The following ANKRD30A variants were observed in gnomAD, a reference collection of about 807,000 sequenced individuals.
ANKRD30A encodes ankyrin repeat domain 30A, also known as ankyrin repeat domain-containing protein 30A.
Under a neutral mutation model 166.3 loss-of-function variants are expected in ANKRD30A, and 170 were observed. The observed-to-expected ratio is 1.02, with a 90% CI of 0.90 to 1.16. ANKRD30A has a LOEUF of 1.16. ANKRD30A is among the 50% of genes most tolerant of loss of function. The pLI, the probability that ANKRD30A is intolerant of heterozygous loss-of-function variation, is 0.00. For missense variants in ANKRD30A, 1,630 were observed against 1,518.0 expected, an observed-to-expected ratio of 1.07 and a Z score of -1.23; for synonymous variants, 564 against 508.9, an observed-to-expected ratio of 1.11 and a Z score of -1.46.
At chr10:37,150,275 G>A (rs1245708161) in intron 11 of ANKRD30A, among the ~76,000 whole-genome samples, 5 of 151,882 alleles carry the variant, frequency 3.3e-5, no homozygotes, top group Non-Finnish European at 7.4e-5. Flanking sequence ...GTCACTTTGG[G>A]AATCCTAAGA....
At chr10:37,224,425 CAT>C (rs557635336) in intron 34 of ANKRD30A, among the ~76,000 whole-genome samples, 30 of 150,320 alleles carry the variant, frequency 2.0e-4, no homozygotes, top group African/African-American at 6.8e-4. Context: ...ATGTGAGCTA[CAT>C]ATATATATCA....
rs754180463 is a variant in ANKRD30A, at chr10:37,201,241, C to A, written c.2785C>A (p.Arg929Ser). The change falls in exon 31 of 36, where the codon CGT becomes AGT. Residue 929 changes from arginine (R) to serine (S), a missense_variant. Arg to Ser is a moderately radical substitution (Grantham distance 110). Transcript: ENST00000361713. ...EENSWDSESL[R>S]ETVSQKDVCV... is the part of the protein sequence containing the mutation. ...TTGATATTACTTTTAACAGAGTCTC[C>A]GTGAGACTGTTTCACAGAAGGATGT... 2.5e-6 allele frequency: 4 copies of A among 1,572,736 alleles called. No individual in the cohort carries two copies. Among genetic ancestry groups the A allele is most frequent in the East Asian group, 4.6e-5 (2 of 43,056 alleles).
intron 15 of ANKRD30A, among the ~76,000 whole-genome samples, chr10:37,162,396 CT>C (rs1421526322): frequency 2.6e-5 from 4 of 152,168 alleles, no homozygotes; most frequent in Admixed American, 2.6e-4. Flanking sequence ...CATATCAACC[CT>C]TTATACACAT....
At chr10:37,261,325 C>T in the ANKRD30A span, among the ~76,000 whole-genome samples, 1 of 152,126 alleles carries the variant, frequency 6.6e-6, no homozygotes, top group East Asian at 1.9e-4. Context: ...TTGCATTCCT[C>T]CAACTGATAG....
Position 37,219,061 on chromosome 10 carries a change from G to T in ANKRD30A, c.3349G>T (p.Glu1117Ter), listed in dbSNP as rs1203491063. 6.2e-7 allele frequency: 1 copy of T among 1,607,570 alleles called. No homozygotes were observed. The highest frequency in any genetic ancestry group is 8.5e-7 in the Non-Finnish European group (1 of 1,176,250). The change falls in exon 34 of 36, where the codon GAA (glutamate) becomes TAA (stop). Residue 1117 changes from glutamate to a stop codon, truncating the protein, a stop_gained. Transcript: ENST00000361713. LOFTEE classifies it high-confidence loss of function. ...LKKEIAMLKLEIATLKHQYQE... is the reference protein window; with the variant it reads ...LKKEIAMLKL Reference sequence around the variant, plus strand: ...AAAGGAAATTGCCATGCTAAAACTGGAAATAGCCACACTGAAACACCAATA... The same window carrying T: ...AAAGGAAATTGCCATGCTAAAACTGTAAATAGCCACACTGAAACACCAATA...
chr10:37,133,837 A>C, intron 4 of ANKRD30A, 79 bp from the exon 5 acceptor site: 1 of 1,501,722 alleles, frequency 6.7e-7, no homozygotes. Context: ...GGTACATGTA[A>C]ATGGTTAATT....
the ANKRD30A span, chr10:37,248,307 C>T: frequency 2.2e-6 from 1 of 451,548 alleles, no homozygotes; most frequent in Non-Finnish European, 4.3e-6. Flanking sequence ...CAGTTCTGGT[C>T]ATCTGCCTAT....
chr10:37,148,890 A>T (rs1837704758), intron 9 of ANKRD30A, among the ~76,000 whole-genome samples: 1 of 152,096 alleles, frequency 6.6e-6, no homozygotes, highest in Non-Finnish European at 1.5e-5. Flanking sequence ...CTAAAAAAAT[A>T]CTGAATTTAT....
chr10:37,191,801 C>G (rs1420850254), intron 25 of ANKRD30A, among the ~76,000 whole-genome samples: 1 of 151,920 alleles, frequency 6.6e-6, no homozygotes, highest in Non-Finnish European at 1.5e-5. Flanking sequence ...CCAGACCATC[C>G]TGGCTAACAT....
In ANKRD30A at chr10:37,133,131, C is replaced by T. The variant is rs186861781; in HGVS notation, c.617+785C>T. Among the ~76,000 whole-genome samples, 920 of 152,246 alleles carry T rather than the reference C, an allele frequency of 6.0e-3. 13 individuals are homozygous for T. The highest frequency in any genetic ancestry group is 0.021 in the African/African-American group (867 of 41,548). ...TCCCTACGTGACTATTAATTGCTAT[C>T]ACCAGATACTGTGAATTTATTATTA... is the stretch of plus-strand genomic sequence containing the variant. On this transcript the variant is annotated intron_variant, in intron 4 of 35. Coordinates refer to ENST00000361713, the MANE Select transcript of ANKRD30A (RefSeq NM_052997.3).
chr10:37,138,945 A>T (rs1836912943), intron 6 of ANKRD30A, among the ~76,000 whole-genome samples: 1 of 152,212 alleles, frequency 6.6e-6, no homozygotes, highest in South Asian at 2.1e-4. Context: ...CAAAGTTGAA[A>T]TGAGGAAAAA....
chr10:37,253,609 T>C, the ANKRD30A span, among the ~76,000 whole-genome samples: 2 of 152,006 alleles, frequency 1.3e-5, no homozygotes, highest in Non-Finnish European at 2.9e-5. Flanking sequence ...ATGTGGCCTT[T>C]GGTATCTGGC....
At chr10:37,205,963 A>G (rs1841966708) in intron 31 of ANKRD30A, among the ~76,000 whole-genome samples, 1 of 152,156 alleles carries the variant, frequency 6.6e-6, no homozygotes, top group Non-Finnish European at 1.5e-5. Context: ...GACATAACAG[A>G]GTCAAGGGAA....
At chr10:37,173,206 GA>G (rs547907250) in intron 21 of ANKRD30A, among the ~76,000 whole-genome samples, 1 of 136,610 alleles carries the variant, frequency 7.3e-6, no homozygotes, top group Non-Finnish European at 1.6e-5. Context: ...TATGGTTATG[GA>G]AAAAAACGAA....
intron 25 of ANKRD30A, among the ~76,000 whole-genome samples, chr10:37,190,702 C>G (rs910799470): frequency 1.2e-4 from 18 of 151,856 alleles, no homozygotes; most frequent in African/African-American, 3.9e-4. Flanking sequence ...AAAAGTTTTA[C>G]TGCAGAGTGC....
At chr10:37,249,809 A>G in the ANKRD30A span, among the ~76,000 whole-genome samples, 1 of 152,182 alleles carries the variant, frequency 6.6e-6, no homozygotes, top group African/African-American at 2.4e-5. Context: ...AGAAATTGGG[A>G]CTTAATTGCT....
intron 27 of ANKRD30A, among the ~76,000 whole-genome samples, chr10:37,196,895 T>C (rs938513319): frequency 1.3e-5 from 2 of 152,204 alleles, no homozygotes; most frequent in South Asian, 2.1e-4. Flanking sequence ...ATCATAACCA[T>C]GTACCTTTCC....
intron 31 of ANKRD30A, among the ~76,000 whole-genome samples, chr10:37,211,585 A>C (rs1842321290): frequency 6.6e-6 from 1 of 152,176 alleles, no homozygotes; most frequent in Admixed American, 6.6e-5. Flanking sequence ...ATAGTGCTGC[A>C]ATAAACATAT....
In ANKRD30A at chr10:37,219,213, G is replaced by A. The variant is rs372238047; in HGVS notation, c.3501G>A (p.Gln1167=). ...LTKRASQYSG[Q]LKVLIAENTM... ...AAAGGGCATCTCAATATAGTGGGCA[G>A]CTTAAAGTTCTGATAGCTGAGAACA... The change falls in exon 34 of 36, where the codon CAG becomes CAA. Residue 1167 remains glutamine, a synonymous_variant. Transcript: ENST00000361713. 1.6e-5 allele frequency: 26 copies of A among 1,610,690 alleles called. No homozygotes were observed. The highest frequency in any genetic ancestry group is 3.3e-5 in the Admixed American group (2 of 59,714).
Sources: gnomAD v4.1 joint callset for allele counts (sites outside exome capture counted in the v4.1 genomes callset) on GRCh38, gnomAD v4.1.1 for gene constraint, MANE v1.5 for transcripts, NCBI Gene and HGNC (gene_info 2026-07-23, HGNC 2026-07-21) for gene names.